B4GALT6: variants seen among roughly 807,000 people sequenced by gnomAD.
The protein encoded by B4GALT6 is beta-1,4-galactosyltransferase 6.
B4GALT6 carries 14 observed loss-of-function variants against 46.3 expected under a neutral mutation model. The ratio of observed to expected loss-of-function variants is 0.30; its 90% CI spans 0.20 to 0.47. The LOEUF (loss-of-function observed/expected upper bound fraction) is 0.47. Among genes scored for constraint, B4GALT6 ranks in the 20% least tolerant of loss-of-function variants. The pLI, the probability that B4GALT6 is intolerant of heterozygous loss-of-function variation, is 0.99. For missense variants in B4GALT6, 386 were observed against 480.1 expected (o/e 0.80, Z 1.83); for synonymous variants, 168 against 162.0 (o/e 1.04, Z -0.28).
chr18:31,660,553 A>C (rs1263248930), intron 2 of B4GALT6, among the ~76,000 whole-genome samples: 3 of 152,076 alleles, frequency 2.0e-5, no homozygotes, highest in African/African-American at 7.2e-5. Flanking sequence ...AGACAGTAAC[A>C]GTAAGAAAAG....
At chr18:31,634,002 C>G (rs549809327) in intron 5 of B4GALT6, among the ~76,000 whole-genome samples, 1 of 152,182 alleles carries the variant, frequency 6.6e-6, no homozygotes, top group African/African-American at 2.4e-5. Flanking sequence ...GACAGGCTGG[C>G]CTTTTCTTTT....
rs748519265 is a variant in B4GALT6 at position 31,666,250 on chromosome 18, T to C, written c.232+6A>G. 2.0e-5 allele frequency: 30 copies of C among 1,528,664 alleles called. No individual in the cohort carries two copies. Among genetic ancestry groups the C allele is most frequent in the Admixed American group, 7.2e-5 (4 of 55,572 alleles). 94.7% of individuals were successfully genotyped at this position (1,528,664 alleles called of 1,614,324 possible). A position where few individuals can be genotyped will look rare whatever the true frequency, so the allele number is the denominator to read the frequency against. On this transcript the variant is annotated splice_donor_region_variant and intron_variant, in intron 2 of 8. Coordinates refer to ENST00000306851, the MANE Select transcript of B4GALT6 (RefSeq NM_004775.5). ...CTACAAGGGGTTAAGCAGGAAGTAGTCTTACCTGTACCGTTGAGCGTACTG... is the reference window on the plus strand; with the variant it reads ...CTACAAGGGGTTAAGCAGGAAGTAGCCTTACCTGTACCGTTGAGCGTACTG...
intron 3 of B4GALT6, among the ~76,000 whole-genome samples, chr18:31,654,912 G>A (rs899140551): frequency 6.6e-6 from 1 of 152,126 alleles, no homozygotes; most frequent in South Asian, 2.1e-4. Context: ...AGGATACATA[G>A]CTAATAATAA....
At chr18:31,689,498 A>C (rs1035451469), upstream of B4GALT6, among the ~76,000 whole-genome samples, 2 of 152,308 alleles carry the variant, frequency 1.3e-5, no homozygotes, top group South Asian at 2.1e-4. Flanking sequence ...TAATCCCAGC[A>C]CTTTGGGAGA....
At chr18:31,640,767 C>A (rs1421758139) in intron 4 of B4GALT6, among the ~76,000 whole-genome samples, 1 of 152,214 alleles carries the variant, frequency 6.6e-6, no homozygotes, top group Non-Finnish European at 1.5e-5. Flanking sequence ...TGGCTGCCAA[C>A]TGTACTGGAA....
At chr18:31,690,483 T>C (rs2030071379), upstream of B4GALT6, among the ~76,000 whole-genome samples, 1 of 150,894 alleles carries the variant, frequency 6.6e-6, no homozygotes, top group East Asian at 2.0e-4. Context: ...TTTGTTTTGC[T>C]TTTGAGACAG....
At chr18:31,717,370 G>T in the B4GALT6 span, among the ~76,000 whole-genome samples, 2 of 152,280 alleles carry the variant, frequency 1.3e-5, no homozygotes, top group South Asian at 4.2e-4. Context: ...TGACTGAAAA[G>T]AGGCACAAGG....
At chr18:31,681,418 C>G (rs1273969179) in intron 1 of B4GALT6, among the ~76,000 whole-genome samples, 1 of 152,150 alleles carries the variant, frequency 6.6e-6, no homozygotes, top group African/African-American at 2.4e-5. Context: ...GGTGATGGGG[C>G]AGGTGTCTGC....
rs200258231 is a variant in B4GALT6, at chr18:31,625,773, G to A, written c.1002-12C>T. On this transcript the variant is annotated splice_polypyrimidine_tract_variant and intron_variant, in intron 8 of 8. Transcript: ENST00000306851. ...TTAGTAATTTATACCTATAGTTTTA[G>A]AGGAAAAAACAAAAAAGCAACAAAA... The A allele has an allele frequency of 1.9e-6, 3 of 1,560,364 alleles. No homozygotes were observed. The highest frequency in any genetic ancestry group is 4.3e-5 in the Admixed American group (2 of 46,140).
Position 31,625,776 on chromosome 18 carries a change from G to GA in B4GALT6, c.1002-16dup. Reference sequence around the variant, plus strand: ...GTAATTTATACCTATAGTTTTAGAGGAAAAAACAAAAAAGCAACAAAACAT... The same window carrying GA: ...GTAATTTATACCTATAGTTTTAGAGGAAAAAAACAAAAAAGCAACAAAACAT... On this transcript the variant is annotated splice_polypyrimidine_tract_variant and intron_variant, in intron 8 of 8. Transcript: ENST00000306851. The GA allele has an allele frequency of 6.4e-7, 1 of 1,553,022 alleles. No individual in the cohort carries two copies. Among genetic ancestry groups the GA allele is most frequent in the Non-Finnish European group, 8.6e-7 (1 of 1,158,012 alleles).
At chr18:31,683,527 T>C (rs1360641015) in intron 1 of B4GALT6, among the ~76,000 whole-genome samples, 1 of 152,156 alleles carries the variant, frequency 6.6e-6, no homozygotes, top group Non-Finnish European at 1.5e-5. Flanking sequence ...TTTCAACAAA[T>C]GGGGGACGAG....
chr18:31,638,387 C>T (rs1033255276), intron 5 of B4GALT6, among the ~76,000 whole-genome samples: 15 of 151,906 alleles, frequency 9.9e-5, no homozygotes, highest in South Asian at 8.3e-4. Context: ...ATTAGCCGGG[C>T]GTGGTGGCGG....
rs1598902278 is a variant in B4GALT6 at position 31,655,992 on chromosome 18, C to A, written c.346+1984G>T. On this transcript the variant is annotated intron_variant, in intron 3 of 8. Transcript: ENST00000306851. ...CCAAGGCTCAGCGGCAACAGCATCA[C>A]CTTGCGGGATTTGTTAGAAATGCAG... Among the ~76,000 whole-genome samples, 4 of 152,194 alleles carry A rather than the reference C, an allele frequency of 2.6e-5. No homozygotes were observed. The South Asian group carries it at 6.2e-4, about 24-fold the overall frequency.
At chr18:31,665,226 G>A (rs2074269185) in intron 2 of B4GALT6, among the ~76,000 whole-genome samples, 2 of 152,088 alleles carry the variant, frequency 1.3e-5, no homozygotes. Flanking sequence ...GACCATAAAG[G>A]GTACAACAAC....
At chr18:31,684,953 G>GCCGCGGCGTCTCCTGC (rs2074528521), upstream of B4GALT6, among the ~76,000 whole-genome samples, 1 of 148,382 alleles carries the variant, frequency 6.7e-6, no homozygotes, top group African/African-American at 2.4e-5. Flanking sequence ...CCTACTCCGG[G>GCCGCGGCGTCTCCTGC]CCGCGGCGTC....
chr18:31,626,909 T>G (rs1196588316), intron 7 of B4GALT6, 90 bp downstream of exon 7: 2 of 1,112,130 alleles, frequency 1.8e-6, no homozygotes, highest in Non-Finnish European at 2.5e-6. Context: ...TCCCAAAGAA[T>G]GTTCTTGGAA....
intron 1 of B4GALT6, among the ~76,000 whole-genome samples, chr18:31,681,265 A>G (rs189619276): frequency 6.6e-6 from 1 of 152,344 alleles, no homozygotes; most frequent in Non-Finnish European, 1.5e-5. Context: ...TCTGTTCTCA[A>G]TCCAGCCAAG....
chr18:31,720,767 A>C, the B4GALT6 span, among the ~76,000 whole-genome samples: 3 of 152,222 alleles, frequency 2.0e-5, no homozygotes, highest in African/African-American at 7.2e-5. Flanking sequence ...CCTCATGACC[A>C]GAGTTAGGCC....
the B4GALT6 span, among the ~76,000 whole-genome samples, chr18:31,704,340 C>T: frequency 6.6e-6 from 1 of 151,760 alleles, no homozygotes; most frequent in African/African-American, 2.4e-5. Flanking sequence ...TCCTAAGTAG[C>T]TGGGATTACA....
Sources: allele counts gnomAD v4.1 joint callset (sites outside exome capture counted in the v4.1 genomes callset), GRCh38; gene constraint gnomAD v4.1.1; transcripts MANE v1.5; gene names NCBI Gene and HGNC (gene_info 2026-07-23, HGNC 2026-07-21).